The following SLC7A1 variants were observed in gnomAD, a reference collection of about 807,000 sequenced individuals.
SLC7A1 encodes solute carrier family 7 member 1.
A neutral mutation model predicts 53.9 loss-of-function variants in SLC7A1; 10 were observed. The ratio of observed to expected loss-of-function variants is 0.19; its 90% CI spans 0.11 to 0.31. SLC7A1 has a LOEUF of 0.31. SLC7A1 is among the 10% of genes least tolerant of loss of function. The probability of loss-of-function intolerance (pLI) is 1.00; values close to 1 mark genes in which losing one functional copy is unlikely to be tolerated. For missense variants in SLC7A1, 525 were observed against 827.2 expected (o/e 0.63, Z 4.48); for synonymous variants, 342 against 338.7 (o/e 1.01, Z -0.11).
At chr13:29,562,969 AAAT>A (rs1196521764) in intron 1 of SLC7A1, among the ~76,000 whole-genome samples, 2 of 152,182 alleles carry the variant, frequency 1.3e-5, no homozygotes, top group Non-Finnish European at 2.9e-5. Context: ...TTGAGATGCA[AAAT>A]ACTCTGAGAA....
intron 4 of SLC7A1, among the ~76,000 whole-genome samples, chr13:29,530,984 C>T (rs1869127382): frequency 1.3e-5 from 2 of 152,074 alleles, no homozygotes; most frequent in South Asian, 4.2e-4. Context: ...CCAAGGGGCA[C>T]CCGAGAACTG....
intron 2 of SLC7A1, among the ~76,000 whole-genome samples, chr13:29,540,542 C>G (rs926687148): frequency 6.6e-6 from 1 of 152,162 alleles, no homozygotes; most frequent in Admixed American, 6.5e-5. Context: ...AATGGTGTGA[C>G]GTTTTCACCT....
chr13:29,560,649 C>T (rs1870716771), intron 1 of SLC7A1, among the ~76,000 whole-genome samples: 1 of 152,088 alleles, frequency 6.6e-6, no homozygotes, highest in Non-Finnish European at 1.5e-5. Flanking sequence ...AACCCCAGCA[C>T]CACCAAAAAC....
intron 1 of SLC7A1, among the ~76,000 whole-genome samples, chr13:29,563,191 C>T (rs991829140): frequency 1.3e-5 from 2 of 152,256 alleles, no homozygotes; most frequent in Middle Eastern, 3.4e-3. Context: ...TTTAGGTTGT[C>T]GCAATTGAAG....
chr13:29,562,880 C>G (rs917937559), intron 1 of SLC7A1, among the ~76,000 whole-genome samples: 9 of 152,188 alleles, frequency 5.9e-5, no homozygotes, highest in African/African-American at 1.9e-4. Flanking sequence ...TCCAGCCCTT[C>G]AATAATTAAA....
Position 29,532,735 on chromosome 13 carries a change from GA to G in SLC7A1, c.529+88del, listed in dbSNP as rs1313748925. 1.9e-5 allele frequency: 22 copies of G among 1,175,002 alleles called. 1 individual carries two copies. The South Asian group carries it at 3.1e-4, about 16-fold the overall frequency. The allele number at this position is 1,175,002 out of a possible 1,614,324, so 72.8% of individuals were successfully genotyped here. A position where few individuals can be genotyped will look rare whatever the true frequency, so the allele number is the denominator to read the frequency against. On this transcript the variant is annotated intron_variant, in intron 4 of 12. Coordinates refer to ENST00000380752, the MANE Select transcript of SLC7A1 (RefSeq NM_003045.5). ...AAGAAATGGGGGTTATGGTTAAAGA[GA>G]TAAGTAAAGAAAGGAACTTAACAGG... is the stretch of plus-strand genomic sequence containing the variant.
At chr13:29,561,195 G>A (rs1026291620) in intron 1 of SLC7A1, among the ~76,000 whole-genome samples, 27 of 152,094 alleles carry the variant, frequency 1.8e-4, no homozygotes, top group African/African-American at 3.9e-4. Flanking sequence ...CACTAATGAC[G>A]GCAGCACACT....
At position 29,511,417 on chromosome 13, in the gene SLC7A1, C is replaced by T. The variant is rs1486570829; in HGVS notation, c.*3063G>A. 1 of 152,202 alleles carries T rather than the reference C, an allele frequency of 6.6e-6. No homozygotes were observed. The highest frequency in any genetic ancestry group is 2.4e-5 in the African/African-American group (1 of 41,444). The allele number at this position is 152,202 out of a possible 1,614,324, so 9.4% of individuals were successfully genotyped here. A position where few individuals can be genotyped will look rare whatever the true frequency, so the allele number is the denominator to read the frequency against. On this transcript the variant is annotated 3_prime_UTR_variant, in exon 13 of 13. Coordinates refer to ENST00000380752, the MANE Select transcript of SLC7A1 (RefSeq NM_003045.5). ...CATTTAGCGACCTTTCTGAGACAGC[C>T]TGGGGAAAATGCATCTATCACTGTC...
intron 2 of SLC7A1, among the ~76,000 whole-genome samples, chr13:29,553,432 C>A (rs970792699): frequency 2.0e-5 from 3 of 152,156 alleles, no homozygotes; most frequent in Admixed American, 2.0e-4. Flanking sequence ...TTCCCCAGAG[C>A]CTACCCTGGT....
chr13:29,544,523 C>T (rs770146024), intron 2 of SLC7A1, among the ~76,000 whole-genome samples: 16 of 152,200 alleles, frequency 1.1e-4, no homozygotes, highest in Non-Finnish European at 2.2e-4. Context: ...GACAAGGAGA[C>T]GCAGGCTTGA....
In SLC7A1 at chr13:29,524,117, G is replaced by A; in HGVS notation, c.826+15C>T. The A allele has an allele frequency of 1.9e-6, 3 of 1,610,688 alleles. No individual in the cohort carries two copies. The highest frequency in any genetic ancestry group is 2.7e-5 in the African/African-American group (2 of 74,984). ...GTGCAGGAGGACCCGGGACCGCAGTGGCTGGCGGACATACCTGTGGTGGCG... is the reference window on the plus strand; with the variant it reads ...GTGCAGGAGGACCCGGGACCGCAGTAGCTGGCGGACATACCTGTGGTGGCG... On this transcript the variant is annotated intron_variant, in intron 6 of 12. Transcript: ENST00000380752.
intron 2 of SLC7A1, among the ~76,000 whole-genome samples, chr13:29,539,659 C>T (rs1314459395): frequency 6.6e-6 from 1 of 152,148 alleles, no homozygotes; most frequent in Non-Finnish European, 1.5e-5. Flanking sequence ...GGCCTGTTTC[C>T]CCCACACCAA....
intron 1 of SLC7A1, among the ~76,000 whole-genome samples, chr13:29,564,113 G>A (rs1000659416): frequency 3.3e-5 from 5 of 152,172 alleles, no homozygotes; most frequent in African/African-American, 9.7e-5. Flanking sequence ...GAGGACAAGG[G>A]CTGGAGGAAG....
chr13:29,572,472 C>T (rs1296888262), intron 1 of SLC7A1, among the ~76,000 whole-genome samples: 2 of 152,102 alleles, frequency 1.3e-5, no homozygotes, highest in African/African-American at 2.4e-5. Flanking sequence ...ACTCAGGACC[C>T]GCGGCACCAG....
At chr13:29,589,146 C>G (rs1823192072) in intron 1 of SLC7A1, among the ~76,000 whole-genome samples, 1 of 152,216 alleles carries the variant, frequency 6.6e-6, no homozygotes, top group Admixed American at 6.5e-5. Context: ...GATGCATCCT[C>G]TAAGGAAAGG....
chr13:29,557,627 G>A (rs1870495009), intron 1 of SLC7A1, among the ~76,000 whole-genome samples: 1 of 148,868 alleles, frequency 6.7e-6, no homozygotes, highest in Non-Finnish European at 1.5e-5. Flanking sequence ...CTGCAGGACT[G>A]CAAGTTGCCC....
intron 1 of SLC7A1, among the ~76,000 whole-genome samples, chr13:29,582,904 T>A (rs1292503136): frequency 6.6e-6 from 1 of 152,134 alleles, no homozygotes; most frequent in Non-Finnish European, 1.5e-5. Flanking sequence ...TGACCTTAGC[T>A]ACCTACACGC....
chr13:29,576,690 T>G (rs1420804521), intron 1 of SLC7A1, among the ~76,000 whole-genome samples: 1 of 151,898 alleles, frequency 6.6e-6, no homozygotes, highest in Admixed American at 6.6e-5. Context: ...CCATCTCTAG[T>G]GCCATTTGAA....
chr13:29,520,692 T>C lies in SLC7A1; in HGVS notation c.1190-1143A>G, dbSNP rs372104291. Among the ~76,000 whole-genome samples the C allele has an allele frequency of 2.7e-4, 41 of 152,310 alleles. 1 individual carries two copies. The South Asian group carries it at 7.9e-3, about 29-fold the overall frequency. ...AAGCTAAAATATAAACACAAAGCCA[T>C]TATTTTTCCACAAATATCTCTCAAG... On this transcript the variant is annotated intron_variant, in intron 8 of 12. Transcript: ENST00000380752.
Sources: allele counts gnomAD v4.1 joint callset (sites outside exome capture counted in the v4.1 genomes callset), GRCh38; gene constraint gnomAD v4.1.1; transcripts MANE v1.5; gene names NCBI Gene and HGNC (gene_info 2026-07-23, HGNC 2026-07-21).